The following EIF4G3 variants were observed in gnomAD, a reference collection of about 807,000 sequenced individuals.
The protein encoded by EIF4G3 is eIF-4-gamma 3.
Under a neutral mutation model 186.4 loss-of-function variants are expected in EIF4G3, and 34 were observed. The observed-to-expected ratio is 0.18, with a 90% CI of 0.14 to 0.24. The LOEUF is 0.24. Among genes scored for constraint, EIF4G3 ranks in the 10% least tolerant of loss-of-function variants. The pLI, the probability that EIF4G3 is intolerant of heterozygous loss-of-function variation, is 1.00. For synonymous variants in EIF4G3, 673 were observed against 679.5 expected (o/e 0.99, Z 0.15); for missense variants, 1,536 against 1,948.5 (o/e 0.79, Z 3.99).
chr1:21,083,817 A>ATTACAT (rs944890088), intron 3 of EIF4G3, among the ~76,000 whole-genome samples: 2 of 152,310 alleles, frequency 1.3e-5, no homozygotes, highest in African/African-American at 4.8e-5. Flanking sequence ...AAATTACAGA[A>ATTACAT]TTACATGTCC....
At position 20,981,014 on chromosome 1, in the gene EIF4G3, T is replaced by C. The variant is rs575070736; in HGVS notation, c.378+34A>G. The C allele has an allele frequency of 6.8e-6, 10 of 1,468,626 alleles. No individual in the cohort carries two copies. The African/African-American group carries it at 7.0e-5, about 10-fold the overall frequency. The allele number at this position is 1,468,626 out of a possible 1,614,324, so 91.0% of individuals were successfully genotyped here. A position where few individuals can be genotyped will look rare whatever the true frequency, so the allele number is the denominator to read the frequency against. On this transcript the variant is annotated intron_variant, in intron 9 of 36. Coordinates refer to ENST00000602326, the MANE Select transcript of EIF4G3 (RefSeq NM_001391906.1). The stretch of plus-strand genomic sequence containing the variant: ...TGAATCCGGGTTAATTTCCACTCTA[T>C]TGCTGGACCACCTAGGCCTCAAAGA...
chr1:21,062,582 TAC>T (rs1280436093), intron 3 of EIF4G3, among the ~76,000 whole-genome samples: 2 of 152,060 alleles, frequency 1.3e-5, no homozygotes, highest in South Asian at 2.1e-4. Flanking sequence ...TAGATATAGA[TAC>T]AGATATAGAT....
chr1:21,034,355 T>C (rs1443022608), intron 4 of EIF4G3, among the ~76,000 whole-genome samples: 1 of 152,240 alleles, frequency 6.6e-6, no homozygotes, highest in Non-Finnish European at 1.5e-5. Context: ...TTCATTTAAG[T>C]CACAGTATGT....
At chr1:20,869,698 C>A (rs2078610372) in intron 20 of EIF4G3, among the ~76,000 whole-genome samples, 2 of 150,124 alleles carry the variant, frequency 1.3e-5, no homozygotes, top group South Asian at 2.1e-4. Context: ...TGGCTTGAAC[C>A]CGGGAGGCGA....
intron 2 of EIF4G3, among the ~76,000 whole-genome samples, chr1:21,114,088 G>A (rs2096774932): frequency 6.6e-6 from 1 of 151,354 alleles, no homozygotes. Flanking sequence ...TTGGAAAGTT[G>A]TCAAGTTCAT....
At position 20,810,985 on chromosome 1, in the gene EIF4G3, T is replaced by C. The variant is rs188958453; in HGVS notation, c.4598-101A>G. ...CTTTTTTTGAGACAGAGCCTCACTC[T>C]ATTGCCCAGGCTGGAGTGCAGTGGC... On this transcript the variant is annotated intron_variant, in intron 35 of 36. Coordinates refer to ENST00000602326, the MANE Select transcript of EIF4G3 (RefSeq NM_001391906.1). This position sits in a 1 kb window ranked among gnomAD's most constrained non-coding sequence, Gnocchi z 4.1. 3.3e-6 allele frequency: 4 copies of C among 1,205,902 alleles called. No individual in the cohort carries two copies. In the African/African-American group the frequency reaches 6.1e-5, roughly 18 times the overall value. The allele number at this position is 1,205,902 out of a possible 1,614,324, so 74.7% of individuals were successfully genotyped here.
intron 15 of EIF4G3, among the ~76,000 whole-genome samples, chr1:20,903,716 G>A (rs2091189602): frequency 6.6e-6 from 1 of 152,144 alleles, no homozygotes; most frequent in African/African-American, 2.4e-5. Flanking sequence ...AGCAATGAAG[G>A]CACAGGGGAG....
chr1:21,099,368 A>G (rs1334581384), intron 2 of EIF4G3, among the ~76,000 whole-genome samples: 1 of 152,242 alleles, frequency 6.6e-6, no homozygotes, highest in Non-Finnish European at 1.5e-5. Flanking sequence ...AATGAGTCAA[A>G]TATCTTCAAC....
intron 22 of EIF4G3, among the ~76,000 whole-genome samples, chr1:20,864,113 A>C (rs2077047678): frequency 1.3e-5 from 2 of 152,206 alleles, no homozygotes; most frequent in South Asian, 2.1e-4. Flanking sequence ...CATCAATTAG[A>C]GTATAAACTC....
chr1:20,960,397 C>T (rs977041817), intron 12 of EIF4G3, among the ~76,000 whole-genome samples: 6 of 151,620 alleles, frequency 4.0e-5, no homozygotes, highest in Non-Finnish European at 5.9e-5. Context: ...ACCCAGGAGG[C>T]GGAGGTTGCA....
intron 36 of EIF4G3, among the ~76,000 whole-genome samples, chr1:20,808,624 T>TGA (rs1269546753): frequency 6.6e-6 from 1 of 152,022 alleles, no homozygotes; most frequent in Non-Finnish European, 1.5e-5. Context: ...GAGCTTGCAG[T>TGA]GAGCTGAGAT....
At chr1:20,860,094 AC>A (rs1438778106) in intron 24 of EIF4G3, among the ~76,000 whole-genome samples, 2 of 152,230 alleles carry the variant, frequency 1.3e-5, no homozygotes, top group African/African-American at 2.4e-5. Context: ...GGAAGTAACT[AC>A]ATTTTCCACT....
At chr1:21,021,559 T>C (rs1055519230) in intron 4 of EIF4G3, among the ~76,000 whole-genome samples, 2 of 151,938 alleles carry the variant, frequency 1.3e-5, no homozygotes, top group African/African-American at 2.4e-5. Flanking sequence ...TTCTTTCTTT[T>C]TTTTTCTTTA....
At chr1:21,000,050 G>T (rs2083160568) in intron 6 of EIF4G3, among the ~76,000 whole-genome samples, 1 of 150,430 alleles carries the variant, frequency 6.6e-6, no homozygotes, top group African/African-American at 2.4e-5. Context: ...ATAATCAATG[G>T]TTACGTTACT....
chr1:20,926,415 C>CA (rs765432643), intron 14 of EIF4G3, among the ~76,000 whole-genome samples: 2 of 152,242 alleles, frequency 1.3e-5, no homozygotes, highest in Non-Finnish European at 2.9e-5. Flanking sequence ...CATGGTAGCT[C>CA]ATGCCTGTAA....
intron 4 of EIF4G3, among the ~76,000 whole-genome samples, chr1:21,034,627 T>C (rs1384674798): frequency 6.6e-6 from 1 of 152,250 alleles, no homozygotes; most frequent in Non-Finnish European, 1.5e-5. Context: ...ATCTTAGTGA[T>C]TGCAGTGATG....
At chr1:20,850,121 CACCT>C (rs2072798711) in intron 28 of EIF4G3, among the ~76,000 whole-genome samples, 1 of 152,160 alleles carries the variant, frequency 6.6e-6, no homozygotes, top group African/African-American at 2.4e-5. Flanking sequence ...TCCTTCATAG[CACCT>C]TTCTCAGTTT....
At chr1:21,148,595 G>A (rs1391029392) in intron 2 of EIF4G3, among the ~76,000 whole-genome samples, 8 of 151,360 alleles carry the variant, frequency 5.3e-5, no homozygotes, top group East Asian at 2.0e-4. Flanking sequence ...CCAGCTACTC[G>A]AGAGGCTAAG....
chr1:20,968,687 G>A (rs191718800), intron 12 of EIF4G3, among the ~76,000 whole-genome samples: 13 of 151,818 alleles, frequency 8.6e-5, no homozygotes, highest in Admixed American at 3.3e-4. Context: ...AACCAACGGT[G>A]GATAAAAAAT....
Sources: gnomAD v4.1 joint callset for allele counts (sites outside exome capture counted in the v4.1 genomes callset) on GRCh38, gnomAD v4.1.1 for gene constraint, Gnocchi (gnomAD v3.1) non-coding constraint, MANE v1.5 for transcripts, NCBI Gene and HGNC (gene_info 2026-07-23, HGNC 2026-07-21) for gene names.